TLR1: variants seen among roughly 807,000 people sequenced by gnomAD.
TLR1 encodes the protein toll-like receptor 1.
A neutral mutation model predicts 20.2 loss-of-function variants in TLR1; 19 were observed. The observed-to-expected ratio is 0.94, with a 90% CI of 0.66 to 1.38. The LOEUF is 1.38. Among genes scored for constraint, TLR1 ranks in the 40% most tolerant of loss-of-function variants. The pLI is 0.00. For missense variants in TLR1, 921 were observed against 910.0 expected, an observed-to-expected ratio of 1.01 and a Z score of -0.16; for synonymous variants, 320 against 334.5, an observed-to-expected ratio of 0.96 and a Z score of 0.47.
chr4:38,798,297 C>CT lies in TLR1; in HGVS notation c.534dup (p.Glu179ArgfsTer4). On this transcript the variant is annotated frameshift_variant, in exon 4 of 4. Coordinates refer to ENST00000308979, the MANE Select transcript of TLR1 (RefSeq NM_003263.4). LOFTEE classifies it low-confidence loss of function (END_TRUNC). ...AAGTCTTGAAGGCCCTCAGGGTCTT[C>CT]TTTTTCCCCATAAGTCTCTCCTAAG... 3 of 1,612,750 alleles carry CT rather than the reference C, an allele frequency of 1.9e-6. No individual in the cohort carries two copies. The highest frequency in any genetic ancestry group is 2.5e-6 in the Non-Finnish European group (3 of 1,179,214).
At chr4:38,801,719 C>T (rs1044163222) in intron 2 of TLR1, among the ~76,000 whole-genome samples, 17 of 152,154 alleles carry the variant, frequency 1.1e-4, no homozygotes, top group African/African-American at 2.9e-4. Flanking sequence ...ACCTACCACA[C>T]GCAAGATGAA....
rs771828972 is a variant in TLR1, at chr4:38,796,604, T to A, written c.2228A>T (p.Tyr743Phe). The A allele has an allele frequency of 1.2e-6, 2 of 1,614,208 alleles. No homozygotes were observed. Among genetic ancestry groups the A allele is most frequent in the Non-Finnish European group, 1.7e-6 (2 of 1,180,038 alleles). Residue 743 changes from tyrosine to phenylalanine, a missense_variant, in exon 4 of 4, where the codon TAT becomes TTT. Tyr to Phe is a conservative substitution (Grantham distance 22). Coordinates refer to ENST00000308979, the MANE Select transcript of TLR1 (RefSeq NM_003263.4). ...GGCCATGAGACTTTTGAGCTTGTGA[T>A]AACTGCTAGGAATGGAGTACTGCGG... ...PIPQYSIPSS[Y>F]HKLKSLMARR...
chr4:38,790,500 C>T (rs1228382094), downstream of TLR1, among the ~76,000 whole-genome samples: 2 of 152,114 alleles, frequency 1.3e-5, no homozygotes, highest in Non-Finnish European at 2.9e-5. Context: ...CTTTCTCTCT[C>T]TCTGGAAGCT....
At chr4:38,801,762 T>C (rs1169326610) in intron 2 of TLR1, among the ~76,000 whole-genome samples, 1 of 152,138 alleles carries the variant, frequency 6.6e-6, no homozygotes, top group Non-Finnish European at 1.5e-5. Flanking sequence ...ACAGCTATCA[T>C]CACAAAAATA....
chr4:38,797,098 G>A lies in TLR1; in HGVS notation c.1734C>T (p.Asn578=). The A allele has an allele frequency of 5.6e-6, 9 of 1,614,242 alleles. No homozygotes were observed. Among genetic ancestry groups the A allele is most frequent in the Non-Finnish European group, 6.8e-6 (8 of 1,180,046 alleles). Residue 578 remains asparagine, a synonymous_variant, in exon 4 of 4, where the codon AAC becomes AAT. Transcript: ENST00000308979. ...KDFHMSELSC[N]ITLLIVTIVA... The stretch of plus-strand genomic sequence containing the variant: ...CGATGGTGACGATCAGCAGAGTTAT[G>A]TTGCAGGATAATTCAGACATGTGAA...
chr4:38,802,449 T>C (rs1247937871), intron 2 of TLR1, among the ~76,000 whole-genome samples: 6 of 152,172 alleles, frequency 3.9e-5, no homozygotes, highest in Admixed American at 3.9e-4. Flanking sequence ...ATGTCTCCAA[T>C]GAGCATGTAC....
chr4:38,796,790 T>G lies in TLR1; in HGVS notation c.2042A>C (p.Glu681Ala), dbSNP rs201743225. ...RNFVPGKSIV[E>A]NIITCIEKSY... is the part of the protein sequence containing the mutation. ...CTTCTCAATGCAGGTGATGATATTT[T>G]CCACAATGCTCTTGCCAGGAACAAA... The change falls in exon 4 of 4, where the codon GAA (glutamate) becomes GCA (alanine). Residue 681 changes from glutamate to alanine, a missense_variant. Transcript: ENST00000308979. 3 of 1,614,254 alleles carry G rather than the reference T, an allele frequency of 1.9e-6. No individual in the cohort carries two copies. The South Asian group carries it at 3.3e-5, about 18-fold the overall frequency.
chr4:38,804,766 CT>C lies in TLR1; in HGVS notation c.-250del, dbSNP rs1395153113. The C allele has an allele frequency of 6.6e-6, 1 of 152,170 alleles. No homozygotes were observed. The highest frequency in any genetic ancestry group is 6.5e-5 in the Admixed American group (1 of 15,290). 9.4% of individuals were successfully genotyped at this position (152,170 alleles called of 1,614,324 possible). A position where few individuals can be genotyped will look rare whatever the true frequency, so the allele number is the denominator to read the frequency against. On this transcript the variant is annotated 5_prime_UTR_variant, in exon 1 of 4. The change abolishes the stop of an existing upstream ORF in the 5' untranslated region. Transcript: ENST00000308979. ...ATGTGTTGCTTACCAAGACAACCTGCTTGTCTGTTCCATTTGGCAGTCTGTA... is the reference window on the plus strand; with the variant it reads ...ATGTGTTGCTTACCAAGACAACCTGCTGTCTGTTCCATTTGGCAGTCTGTA...
downstream of TLR1, chr4:38,794,728 A>T (rs1186648410): frequency 6.7e-6 from 1 of 149,510 alleles, no homozygotes; most frequent in Non-Finnish European, 1.5e-5. Flanking sequence ...TGTTTCATTG[A>T]TTTTTATTTT....
At chr4:38,795,526 G>T (rs1192127785), downstream of TLR1, among the ~76,000 whole-genome samples, 1 of 152,330 alleles carries the variant, frequency 6.6e-6, no homozygotes, top group East Asian at 1.9e-4. Context: ...AAAGAGCAAA[G>T]GCTCTTGTGC....
In TLR1 at chr4:38,796,663, A is replaced by G. The variant is rs1282160586; in HGVS notation, c.2169T>C (p.Ser723=). The G allele has an allele frequency of 6.2e-7, 1 of 1,614,226 alleles. No homozygotes were observed. Among genetic ancestry groups the G allele is most frequent in the Non-Finnish European group, 8.5e-7 (1 of 1,180,036 alleles). The change falls in exon 4 of 4, where the codon TCT becomes TCC. Residue 723 remains serine, a synonymous_variant. Transcript: ENST00000308979. ...CCAGCAAGATCAGGATTAAGCTATT[A>G]GATCCTTCATGAAAGAGATTGTGAT... The part of the protein sequence containing the change: ...FAHHNLFHEG[S]NSLILILLEP...
In TLR1 at chr4:38,798,703, T is replaced by C. The variant is rs2109354787; in HGVS notation, c.129A>G (p.Leu43=). The change falls in exon 4 of 4, where the codon CTA becomes CTG. Residue 43 remains leucine (L), a synonymous_variant. Transcript: ENST00000308979. ...TATTTAAGATTGTTGTTTTCTGGGA[T>C]AGGTCTTTAGGAACGTGGATGAGAC... The part of the protein sequence containing the change: ...KNGLIHVPKD[L]SQKTTILNIS... 6 of 1,613,954 alleles carry C rather than the reference T, an allele frequency of 3.7e-6. No individual in the cohort carries two copies. Among genetic ancestry groups the C allele is most frequent in the African/African-American group, 1.3e-5 (1 of 75,066 alleles).
downstream of TLR1, among the ~76,000 whole-genome samples, chr4:38,790,336 A>C (rs1424660193): frequency 6.6e-6 from 1 of 152,202 alleles, no homozygotes; most frequent in Non-Finnish European, 1.5e-5. Context: ...TATTTGATTG[A>C]CTGTTTGGCT....
chr4:38,790,746 C>A (rs1725696711), downstream of TLR1: 1 of 151,820 alleles, frequency 6.6e-6, no homozygotes, highest in Non-Finnish European at 1.5e-5. Flanking sequence ...CTTATTTTTT[C>A]TCTTGCAAAA....
At chr4:38,800,110 CAAAAT>C (rs1726533548) in intron 3 of TLR1, among the ~76,000 whole-genome samples, 1 of 152,066 alleles carries the variant, frequency 6.6e-6, no homozygotes, top group African/African-American at 2.4e-5. Flanking sequence ...GAGTAGAAAT[CAAAAT>C]GAAGTGAATG....
At chr4:38,792,675 T>A (rs2109336347), downstream of TLR1, among the ~76,000 whole-genome samples, 1 of 152,150 alleles carries the variant, frequency 6.6e-6, no homozygotes, top group South Asian at 2.1e-4. Context: ...GTACAATATG[T>A]CATTAAACAC....
Position 38,798,735 on chromosome 4 carries a change from T to C in TLR1, c.97A>G (p.Lys33Glu), listed in dbSNP as rs764877842. 6.2e-7 allele frequency: 1 copy of C among 1,613,346 alleles called. No homozygotes were observed. The highest frequency in any genetic ancestry group is 8.5e-7 in the Non-Finnish European group (1 of 1,179,890). ...TTAGGAACGTGGATGAGACCGTTTTTTGACCTATCAACTAAAAATTCACTT... is the reference window on the plus strand; with the variant it reads ...TTAGGAACGTGGATGAGACCGTTTTCTGACCTATCAACTAAAAATTCACTT... ...EESEFLVDRSKNGLIHVPKDL... is the reference protein window; with the variant it reads ...EESEFLVDRSENGLIHVPKDL... The change falls in exon 4 of 4, where the codon AAA becomes GAA. Residue 33 changes from lysine (K) to glutamate (E), a missense_variant. Coordinates refer to ENST00000308979, the MANE Select transcript of TLR1 (RefSeq NM_003263.4).
downstream of TLR1, among the ~76,000 whole-genome samples, chr4:38,793,124 G>C (rs1017777251): frequency 2.6e-5 from 4 of 151,934 alleles, no homozygotes; most frequent in African/African-American, 9.7e-5. Context: ...GAGAGGTTTT[G>C]GTATATTATG....
chr4:38,787,791 T>C (rs1283459872), downstream of TLR1, among the ~76,000 whole-genome samples: 4 of 152,204 alleles, frequency 2.6e-5, no homozygotes, highest in Non-Finnish European at 4.4e-5. Flanking sequence ...GGCTACCATA[T>C]TACACAAACA....
Sources: allele counts gnomAD v4.1 joint callset (sites outside exome capture counted in the v4.1 genomes callset), GRCh38; gene constraint gnomAD v4.1.1; transcripts MANE v1.5; gene names NCBI Gene and HGNC (gene_info 2026-07-23, HGNC 2026-07-21).